The following NKAIN2 variants were observed in gnomAD, a reference collection of about 807,000 sequenced individuals.
NKAIN2 encodes the protein sodium/potassium-transporting ATPase subunit beta-1-interacting protein 2.
In NKAIN2, 14 loss-of-function variants were observed where a neutral mutation model predicts 32.6. The ratio of observed to expected loss-of-function variants is 0.43; its 90% CI spans 0.28 to 0.67. The LOEUF (loss-of-function observed/expected upper bound fraction) is 0.67. Among genes scored for constraint, NKAIN2 ranks in the 30% least tolerant of loss-of-function variants. The pLI is 0.17. For synonymous variants in NKAIN2, 80 were observed against 87.2 expected, an observed-to-expected ratio of 0.92 and a Z score of 0.46; for missense variants, 198 against 258.3, an observed-to-expected ratio of 0.77 and a Z score of 1.60.
intron 3 of NKAIN2, among the ~76,000 whole-genome samples, chr6:124,474,181 A>C (rs1326153769): frequency 6.6e-6 from 1 of 151,894 alleles, no homozygotes; most frequent in Non-Finnish European, 1.5e-5. Flanking sequence ...TAATCTTTAG[A>C]GCTCTATTTA....
chr6:124,698,280 G>C (rs1774598961), intron 4 of NKAIN2, among the ~76,000 whole-genome samples: 1 of 152,060 alleles, frequency 6.6e-6, no homozygotes, highest in Non-Finnish European at 1.5e-5. Flanking sequence ...AAATATCTAA[G>C]CTACTGTGCT....
At chr6:124,332,338 C>A (rs1210324544) in intron 2 of NKAIN2, among the ~76,000 whole-genome samples, 2 of 152,134 alleles carry the variant, frequency 1.3e-5, no homozygotes, top group Non-Finnish European at 2.9e-5. Context: ...GCTTGCAGAG[C>A]ACTCTTACTT....
At chr6:124,425,971 G>C (rs185994933) in intron 3 of NKAIN2, among the ~76,000 whole-genome samples, 63 of 152,134 alleles carry the variant, frequency 4.1e-4, no homozygotes, top group African/African-American at 1.5e-3. Context: ...AGCCAAAAGT[G>C]CCAATAAATC....
intron 1 of NKAIN2, among the ~76,000 whole-genome samples, chr6:123,870,685 C>G (rs1200993095): frequency 6.6e-5 from 10 of 152,132 alleles, no homozygotes; most frequent in Non-Finnish European, 2.9e-5. Context: ...TTTCATGTCA[C>G]TTTATTCAAC....
At position 124,400,862 on chromosome 6, in the gene NKAIN2, T is replaced by G. The variant is rs146680230; in HGVS notation, c.273+45515T>G. Among the ~76,000 whole-genome samples the G allele has an allele frequency of 1.8e-3, 269 of 152,272 alleles. 3 individuals carry two copies. The highest frequency in any genetic ancestry group is 6.3e-3 in the African/African-American group (262 of 41,556). ...CCTAATCAGTACACTATTATCCTGA[T>G]TTTTATGGTCACACCTATTTTTCTT... On this transcript the variant is annotated intron_variant, in intron 3 of 6. Transcript: ENST00000368417.
intron 3 of NKAIN2, among the ~76,000 whole-genome samples, chr6:124,572,355 A>G (rs2114920185): frequency 6.6e-6 from 1 of 152,362 alleles, no homozygotes; most frequent in Non-Finnish European, 1.5e-5. Flanking sequence ...GATAGTTAAC[A>G]TAAAGTTAGC....
At chr6:124,013,640 A>G (rs903693726) in intron 1 of NKAIN2, among the ~76,000 whole-genome samples, 40 of 152,176 alleles carry the variant, frequency 2.6e-4, no homozygotes, top group African/African-American at 9.2e-4. Context: ...AATCCCCAAA[A>G]TCTGTGCATA....
intron 3 of NKAIN2, among the ~76,000 whole-genome samples, chr6:124,525,698 G>GTAT (rs10633024): frequency 0.96 from 145,981 of 152,140 alleles, 70,309 homozygotes; most frequent in East Asian, 1. Context: ...ATTCAGAATT[G>GTAT]TATTGTTGTT....
At chr6:124,647,333 G>A (rs1471029461) in intron 3 of NKAIN2, among the ~76,000 whole-genome samples, 3 of 151,566 alleles carry the variant, frequency 2.0e-5, no homozygotes, top group African/African-American at 7.3e-5. Flanking sequence ...GACCACTTGA[G>A]GTCAGGAGTT....
chr6:124,549,248 ATCCCAGCTAC>A (rs1438583990), intron 3 of NKAIN2, among the ~76,000 whole-genome samples: 1 of 152,046 alleles, frequency 6.6e-6, no homozygotes, highest in Non-Finnish European at 1.5e-5. Flanking sequence ...TGTGCCTGTA[ATCCCAGCTAC>A]TCAGGAGGCT....
chr6:123,966,145 CA>C (rs1255872155), intron 1 of NKAIN2, among the ~76,000 whole-genome samples: 1 of 152,140 alleles, frequency 6.6e-6, no homozygotes, highest in South Asian at 2.1e-4. Context: ...ACGATGGTAG[CA>C]ATTTCAGGAA....
chr6:124,569,852 T>C (rs1781060318), intron 3 of NKAIN2, among the ~76,000 whole-genome samples: 1 of 152,132 alleles, frequency 6.6e-6, no homozygotes, highest in Non-Finnish European at 1.5e-5. Context: ...TGGAACTGGG[T>C]AACAGGCAGA....
chr6:124,489,684 T>C (rs996810945), intron 3 of NKAIN2, among the ~76,000 whole-genome samples: 2 of 151,880 alleles, frequency 1.3e-5, no homozygotes, highest in Non-Finnish European at 2.9e-5. Context: ...AAGTACAGTT[T>C]CTATTGAATG....
chr6:123,831,471 T>C (rs1774374032), intron 1 of NKAIN2, among the ~76,000 whole-genome samples: 1 of 148,632 alleles, frequency 6.7e-6, no homozygotes, highest in African/African-American at 2.5e-5. Flanking sequence ...TTTTTTAAGA[T>C]AGCCACACTG....
chr6:124,064,127 T>G (rs1354806619), intron 1 of NKAIN2, among the ~76,000 whole-genome samples: 1 of 152,012 alleles, frequency 6.6e-6, no homozygotes, highest in African/African-American at 2.4e-5. Flanking sequence ...ATTTTTTATA[T>G]TTCTTAGTAT....
chr6:124,549,942 T>C (rs1780229078), intron 3 of NKAIN2, among the ~76,000 whole-genome samples: 1 of 152,192 alleles, frequency 6.6e-6, no homozygotes, highest in South Asian at 2.1e-4. Context: ...GTTACTGTTT[T>C]TCCTATTGTA....
At chr6:124,151,820 TTAC>T (rs760992604) in intron 1 of NKAIN2, among the ~76,000 whole-genome samples, 1 of 151,984 alleles carries the variant, frequency 6.6e-6, no homozygotes, top group Non-Finnish European at 1.5e-5. Flanking sequence ...TGTACAAAAT[TTAC>T]TAACTTTTTA....
At chr6:123,816,316 T>G (rs1773692336) in intron 1 of NKAIN2, among the ~76,000 whole-genome samples, 1 of 152,034 alleles carries the variant, frequency 6.6e-6, no homozygotes, top group African/African-American at 2.4e-5. Flanking sequence ...GGTCTATAGG[T>G]CTCTGTAGAT....
intron 4 of NKAIN2, among the ~76,000 whole-genome samples, chr6:124,780,138 A>G (rs1779192403): frequency 6.6e-6 from 1 of 152,174 alleles, no homozygotes; most frequent in African/African-American, 2.4e-5. Flanking sequence ...AAAGTATTCT[A>G]TGGTTATCAA....
Sources: gnomAD v4.1 joint callset for allele counts (sites outside exome capture counted in the v4.1 genomes callset) on GRCh38, gnomAD v4.1.1 for gene constraint, MANE v1.5 for transcripts, NCBI Gene and HGNC (gene_info 2026-07-23, HGNC 2026-07-21) for gene names.